SLC22A5: variants seen among roughly 807,000 people sequenced by gnomAD.
The protein encoded by SLC22A5 is solute carrier family 22 member 5.
Under a neutral mutation model 56.7 loss-of-function variants are expected in SLC22A5, and 44 were observed. The observed-to-expected ratio is 0.78, with a 90% CI of 0.61 to 1.00. The LOEUF (loss-of-function observed/expected upper bound fraction) is 1.00. SLC22A5 is among the 50% of genes least tolerant of loss of function. The pLI, the probability that SLC22A5 is intolerant of heterozygous loss-of-function variation, is 0.00. For missense variants in SLC22A5, 675 were observed against 723.0 expected (o/e 0.93, Z 0.76); for synonymous variants, 278 against 292.1 (o/e 0.95, Z 0.49).
At chr5:132,381,370 A>ATGG (rs1179406274) in intron 2 of SLC22A5, 1 of 152,242 alleles carries the variant, frequency 6.6e-6, no homozygotes, top group African/African-American at 2.4e-5. Context: ...GGCTAAAAGT[A>ATGG]TGGCTGTTCT....
At chr5:132,390,934 G>A (rs1400534571) in intron 7 of SLC22A5, 30 bp downstream of exon 7, 10 of 1,563,172 alleles carry the variant, frequency 6.4e-6, no homozygotes, top group Non-Finnish European at 8.8e-6. Context: ...ATGGTTTGGG[G>A]TCTTCACTGA....
chr5:132,381,613 C>G (rs1752350757), intron 2 of SLC22A5: 1 of 152,188 alleles, frequency 6.6e-6, no homozygotes, highest in African/African-American at 2.4e-5. Flanking sequence ...TTCTTTCTGG[C>G]CTATGAATAT....
At chr5:132,385,648 C>A in intron 4 of SLC22A5, 149 bp downstream of exon 4, 1 of 758,546 alleles carries the variant, frequency 1.3e-6, no homozygotes, top group South Asian at 1.5e-5. Flanking sequence ...GTTTTCTCCA[C>A]ACTCAAAAGA....
At chr5:132,385,240 G>A in intron 3 of SLC22A5, 88 bp from the exon 4 acceptor site, 1 of 1,178,160 alleles carries the variant, frequency 8.5e-7, no homozygotes, top group South Asian at 1.2e-5. Flanking sequence ...CTGTTTTCTT[G>A]TCTGTGTATT....
At chr5:132,383,023 C>G (rs1268729650) in intron 2 of SLC22A5, 1 of 152,112 alleles carries the variant, frequency 6.6e-6, no homozygotes, top group Non-Finnish European at 1.5e-5. Flanking sequence ...AAAATGAGCA[C>G]GGATACAGAA....
intron 7 of SLC22A5, among the ~76,000 whole-genome samples, chr5:132,391,225 C>G (rs1752690134): frequency 1.3e-5 from 2 of 152,076 alleles, no homozygotes; most frequent in South Asian, 4.1e-4. Context: ...CTGGCCCTGT[C>G]TTCTTTATTT....
intron 1 of SLC22A5, among the ~76,000 whole-genome samples, chr5:132,371,756 C>T (rs111684331): frequency 1.1e-3 from 166 of 152,178 alleles, no homozygotes; most frequent in South Asian, 2.3e-3. Context: ...CAAGAAACCA[C>T]CCAGCAGGAC....
rs1752784173 is a variant in SLC22A5, at chr5:132,393,741, A to T, written c.1516A>T (p.Thr506Ser). ...TCTGACCATCCTGACAGCCATCCTC[A>T]CCTTGTTTCTCCCAGAGAGCTTCGG... ...GSLTILTAIL[T>S]LFLPESFGTP... Residue 506 changes from threonine (T) to serine (S), a missense_variant, in exon 9 of 10, where the codon ACC (threonine) becomes TCC (serine). Transcript: ENST00000245407. 1.2e-6 allele frequency: 2 copies of T among 1,613,934 alleles called. No homozygotes were observed. Among genetic ancestry groups the T allele is most frequent in the Admixed American group, 3.3e-5 (2 of 59,992 alleles).
At chr5:132,378,537 G>A in intron 2 of SLC22A5, 56 bp downstream of exon 2, 1 of 1,270,858 alleles carries the variant, frequency 7.9e-7, no homozygotes, top group South Asian at 1.2e-5. Flanking sequence ...GAAGAAGCGT[G>A]TGCCTGGCCC....
At chr5:132,388,270 T>C (rs1287467732) in intron 5 of SLC22A5, among the ~76,000 whole-genome samples, 4 of 152,230 alleles carry the variant, frequency 2.6e-5, no homozygotes, top group African/African-American at 9.7e-5. Flanking sequence ...CAGTCCAAAG[T>C]TGACCTTTTG....
Position 132,390,886 on chromosome 5 carries a change from A to G in SLC22A5, c.1249A>G (p.Met417Val), listed in dbSNP as rs139775414. 1,086 of 1,613,996 alleles carry G rather than the reference A, an allele frequency of 6.7e-4. 6 individuals are homozygous for G. In the African/African-American group the frequency reaches 0.012, roughly 18 times the overall value. ...CCTGGGTGGCAGTGTCCTTCTCTTC[A>G]TGCAGCTGGTACCCCCAGGTAGGGA... Reference protein sequence around the residue: ...LFLGGSVLLFMQLVPPDLYYL... With the variant: ...LFLGGSVLLFVQLVPPDLYYL... The change falls in exon 7 of 10, where the codon ATG (methionine) becomes GTG (valine). Residue 417 changes from methionine to valine, a missense_variant. By Grantham distance (21) the Met-to-Val change is conservative. Coordinates refer to ENST00000245407, the MANE Select transcript of SLC22A5 (RefSeq NM_003060.4).
In SLC22A5 at chr5:132,370,023, C is replaced by G. The variant is rs11568520; in HGVS notation, c.51C>G (p.Phe17Leu). Residue 17 changes from phenylalanine (F) to leucine (L), a missense_variant, in exon 1 of 10, where the codon TTC (phenylalanine) becomes TTG (leucine). By Grantham distance (22) the Phe-to-Leu change is conservative (BLOSUM62 0). Transcript: ENST00000245407. ...VTAFLGEWGPFQRLIFFLLSA... is the reference protein window; with the variant it reads ...VTAFLGEWGPLQRLIFFLLSA... ...CCTTCCTGGGCGAGTGGGGGCCCTT[C>G]CAGCGCCTCATCTTCTTCCTGCTCA... 2.6e-5 allele frequency: 42 copies of G among 1,613,420 alleles called. 1 individual carries two copies. The East Asian group carries it at 8.5e-4, about 33-fold the overall frequency.
At chr5:132,389,354 C>G (rs1009018913) in intron 6 of SLC22A5, 3 of 360,286 alleles carry the variant, frequency 8.3e-6, no homozygotes, top group African/African-American at 6.4e-5. Context: ...GCTGAGGAGG[C>G]CAGGTAGGGC....
intron 1 of SLC22A5, chr5:132,376,169 C>G (rs1021979116): frequency 6.6e-6 from 1 of 152,254 alleles, no homozygotes; most frequent in African/African-American, 2.4e-5. Context: ...GGGACCCAAT[C>G]TATGTTTGCC....
At chr5:132,382,753 G>A (rs990921610) in intron 2 of SLC22A5, 1 of 152,198 alleles carries the variant, frequency 6.6e-6, no homozygotes, top group Non-Finnish European at 1.5e-5. Flanking sequence ...CGTGTTGTTA[G>A]ATTAAAATGT....
intron 1 of SLC22A5, among the ~76,000 whole-genome samples, chr5:132,371,032 C>T (rs1300223599): frequency 6.0e-5 from 9 of 149,970 alleles, no homozygotes; most frequent in Admixed American, 1.3e-4. Context: ...CTGCAACCTT[C>T]GCAGTCGTGC....
Position 132,394,386 on chromosome 5 carries a change from T to C in SLC22A5, c.*114T>C. ...AAAAGGCCTTTGCTGTTTGTCCTCTTGACCTGTGTCTGACTTGCTCCTGGA... is the reference window on the plus strand; with the variant it reads ...AAAAGGCCTTTGCTGTTTGTCCTCTCGACCTGTGTCTGACTTGCTCCTGGA... On this transcript the variant is annotated 3_prime_UTR_variant, in exon 10 of 10. Coordinates refer to ENST00000245407, the MANE Select transcript of SLC22A5 (RefSeq NM_003060.4). The C allele has an allele frequency of 1.2e-6, 1 of 850,358 alleles. No individual in the cohort carries two copies. Among genetic ancestry groups the C allele is most frequent in the Non-Finnish European group, 2.1e-6 (1 of 486,004 alleles). The allele number at this position is 850,358 out of a possible 1,614,324, so 52.7% of individuals were successfully genotyped here.
Position 132,390,809 on chromosome 5 carries a change from G to GGCT in SLC22A5, c.1181_1183dup (p.Leu394dup). The GGCT allele has an allele frequency of 6.2e-7, 1 of 1,614,220 alleles. No homozygotes were observed. The highest frequency in any genetic ancestry group is 8.5e-7 in the Non-Finnish European group (1 of 1,180,030). On this transcript the variant is annotated inframe_insertion, in exon 7 of 10. Transcript: ENST00000245407. ...GAAGTCCCAGCATATGTGTTGGCCT[G>GGCT]GCTGCTGCTGCAATATTTGCCCCGG...
Position 132,385,475 on chromosome 5 carries a change from G to A in SLC22A5, c.800G>A (p.Gly267Glu), listed in dbSNP as rs775430253. The stretch of plus-strand genomic sequence containing the variant: ...CTGCTGGTGGCGCTGACGATGCCGG[G>A]GGTGCTATGCGTGGCACTCTGGTGG... ...RMLLVALTMP[G>E]VLCVALWWFI... Residue 267 changes from glycine (G) to glutamate (E), a missense_variant, in exon 4 of 10, where the codon GGG becomes GAG. By Grantham distance (98) the Gly-to-Glu change is moderately conservative (BLOSUM62 -2). Transcript: ENST00000245407. 1.4e-5 allele frequency: 23 copies of A among 1,614,010 alleles called. No homozygotes were observed. In the African/African-American group the frequency reaches 1.6e-4, roughly 11 times the overall value.
Sources: gnomAD v4.1 joint callset for allele counts (sites outside exome capture counted in the v4.1 genomes callset) on GRCh38, gnomAD v4.1.1 for gene constraint, MANE v1.5 for transcripts, NCBI Gene and HGNC (gene_info 2026-07-23, HGNC 2026-07-21) for gene names.